The following LYPD1 variants were observed in gnomAD, a reference collection of about 807,000 sequenced individuals.
The protein encoded by LYPD1 is ly6/PLAUR domain-containing protein 1.
In LYPD1, 14 loss-of-function variants were observed where a neutral mutation model predicts 14.2. The observed-to-expected ratio is 0.99, with a 90% CI of 0.65 to 1.54. LYPD1 has a LOEUF of 1.54. LYPD1 is among the 40% of genes most tolerant of loss of function. The pLI is 0.00. For missense variants in LYPD1, 165 were observed against 175.7 expected (o/e 0.94, Z 0.34); for synonymous variants, 85 against 70.6 (o/e 1.20, Z -1.02).
chr2:132,660,217 A>G (rs1204836541), intron 2 of LYPD1, among the ~76,000 whole-genome samples: 1 of 152,260 alleles, frequency 6.6e-6, no homozygotes, highest in Non-Finnish European at 1.5e-5. Flanking sequence ...TTAAAATAAT[A>G]CAACTTTATC....
rs1348451671 is a variant in LYPD1, at chr2:132,669,295, A to G, written c.52+586T>C. On this transcript the variant is annotated intron_variant, in intron 1 of 2. Transcript: ENST00000397463. This position sits in a 1 kb window ranked among gnomAD's most constrained non-coding sequence, Gnocchi z 4.3. Reference sequence around the variant, plus strand: ...AGTGGTCGGGGTTCCAGCTCTGCAGAGCTTAGTCGGGAGCCAGTAGGCGAA... The same window carrying G: ...AGTGGTCGGGGTTCCAGCTCTGCAGGGCTTAGTCGGGAGCCAGTAGGCGAA... Among the ~76,000 whole-genome samples, 2 of 151,392 alleles carry G rather than the reference A, an allele frequency of 1.3e-5. No homozygotes were observed. The highest frequency in any genetic ancestry group is 4.9e-5 in the African/African-American group (2 of 41,138).
At chr2:132,668,320 T>C in intron 2 of LYPD1, 80 bp downstream of exon 2, 1 of 1,486,614 alleles carries the variant, frequency 6.7e-7, no homozygotes, top group Non-Finnish European at 9.0e-7. Flanking sequence ...TCAGTCCTTT[T>C]TCCTGCTATT....
intron 2 of LYPD1, chr2:132,662,937 C>G (rs1331268578): frequency 6.6e-6 from 1 of 152,196 alleles, no homozygotes; most frequent in Non-Finnish European, 1.5e-5. Flanking sequence ...GGAAAGTTAA[C>G]ATAAACAAAT....
chr2:132,654,321 A>C (rs941568565), intron 2 of LYPD1, among the ~76,000 whole-genome samples: 2 of 151,590 alleles, frequency 1.3e-5, no homozygotes, highest in African/African-American at 4.9e-5. Flanking sequence ...TGATCATTTG[A>C]GCCTGGGAGG....
At chr2:132,655,513 C>CTTTTTTTTTTT (rs1558879316) in intron 2 of LYPD1, among the ~76,000 whole-genome samples, 6 of 61,004 alleles carry the variant, frequency 9.8e-5, no homozygotes, top group African/African-American at 5.8e-4. Context: ...GGTTGAGAAG[C>CTTTTTTTTTTT]ATTTTTTTTT....
rs1442195805 is a variant in LYPD1 at position 132,670,049 on chromosome 2, C to A, written c.-117G>T. On this transcript the variant is annotated 5_prime_UTR_variant, in exon 1 of 3. Transcript: ENST00000397463. This position sits in a 1 kb window ranked among gnomAD's most constrained non-coding sequence, Gnocchi z 4.5. ...GAGGCTGCTGGGGCCCGCGCTGCTG[C>A]CGCGGAGACGACGGTCGTAGCTTAG... is the stretch of plus-strand genomic sequence containing the variant. 22 of 1,538,160 alleles carry A rather than the reference C, an allele frequency of 1.4e-5. No homozygotes were observed. Among genetic ancestry groups the A allele is most frequent in the Non-Finnish European group, 1.8e-5 (21 of 1,151,826 alleles).
chr2:132,661,093 C>T (rs995712593), intron 2 of LYPD1, among the ~76,000 whole-genome samples: 3 of 152,176 alleles, frequency 2.0e-5, no homozygotes, highest in Non-Finnish European at 4.4e-5. Flanking sequence ...AGGGTCTCTT[C>T]TAGCCTTAGA....
chr2:132,645,546 C>G lies in LYPD1; in HGVS notation c.*499G>C. 6.2e-7 allele frequency: 1 copy of G among 1,614,154 alleles called. No individual in the cohort carries two copies. The highest frequency in any genetic ancestry group is 8.5e-7 in the Non-Finnish European group (1 of 1,180,010). ...TGAGTCTCGAGTCACTAGAGCCCAA[C>G]TCAGGCGCGAAACCAGCCAATTCTG... is the stretch of plus-strand genomic sequence containing the variant. On this transcript the variant is annotated 3_prime_UTR_variant, in exon 3 of 3. Transcript: ENST00000397463.
At position 132,646,097 on chromosome 2, in the gene LYPD1, AGCCCTGGCCTGAGG is replaced by A. The variant is rs1682059044; in HGVS notation, c.360_373del (p.Leu121ProfsTer42). ...TTTGAGGAACAGGATGGTGGTGCGG[AGCCCTGGCCTGAGG>A]GCCGAGGCAGAACTTCCCCTTTTCT... On this transcript the variant is annotated frameshift_variant, in exon 3 of 3. Coordinates refer to ENST00000397463, the MANE Select transcript of LYPD1 (RefSeq NM_144586.7). LOFTEE classifies it high-confidence loss of function. 1 of 1,605,506 alleles carries A rather than the reference AGCCCTGGCCTGAGG, an allele frequency of 6.2e-7. No individual in the cohort carries two copies. Among genetic ancestry groups the A allele is most frequent in the Admixed American group, 1.7e-5 (1 of 59,146 alleles).
intron 2 of LYPD1, among the ~76,000 whole-genome samples, chr2:132,656,483 A>G (rs1381084553): frequency 6.6e-6 from 1 of 152,210 alleles, no homozygotes; most frequent in African/African-American, 2.4e-5. Flanking sequence ...CACTGAGCTC[A>G]AAGAAACTGC....
Position 132,645,093 on chromosome 2 carries a change from C to G in LYPD1, c.*952G>C. 1 of 1,602,842 alleles carries G rather than the reference C, an allele frequency of 6.2e-7. No individual in the cohort carries two copies. Among genetic ancestry groups the G allele is most frequent in the Non-Finnish European group, 8.5e-7 (1 of 1,173,026 alleles). On this transcript the variant is annotated 3_prime_UTR_variant, in exon 3 of 3. Coordinates refer to ENST00000397463, the MANE Select transcript of LYPD1 (RefSeq NM_144586.7). The stretch of plus-strand genomic sequence containing the variant: ...CTCTGTCTCTCCCTCCTGCTCGTGT[C>G]TGCCCAGGGCTGATTGTTGTGACAT...
intron 2 of LYPD1, among the ~76,000 whole-genome samples, chr2:132,657,862 C>T (rs1449671694): frequency 6.6e-6 from 1 of 151,982 alleles, no homozygotes; most frequent in East Asian, 1.9e-4. Flanking sequence ...TGTCCTTTTT[C>T]CAGGGGTCCC....
At chr2:132,654,422 A>G (rs891157440) in intron 2 of LYPD1, among the ~76,000 whole-genome samples, 1 of 147,960 alleles carries the variant, frequency 6.8e-6, no homozygotes, top group African/African-American at 2.5e-5. Context: ...AAAAATTGGT[A>G]CGAATGTGGG....
At chr2:132,658,861 G>A (rs539870323) in intron 2 of LYPD1, among the ~76,000 whole-genome samples, 15 of 152,314 alleles carry the variant, frequency 9.8e-5, no homozygotes, top group African/African-American at 2.9e-4. Flanking sequence ...GACCAAGGCT[G>A]AATTCCAAGG....
intron 2 of LYPD1, among the ~76,000 whole-genome samples, chr2:132,647,659 A>ATTTTTTTTGGATAGATGATAGTG (rs1682176502): frequency 6.6e-6 from 1 of 151,870 alleles, no homozygotes; most frequent in South Asian, 2.1e-4. Flanking sequence ...TCAATGAATT[A>ATTTTTTTTGGATAGATGATAGTG]TTTTTTTTGG....
chr2:132,657,348 T>A (rs1682658139), intron 2 of LYPD1, among the ~76,000 whole-genome samples: 1 of 152,224 alleles, frequency 6.6e-6, no homozygotes, highest in African/African-American at 2.4e-5. Flanking sequence ...GAACAGATAT[T>A]TATGACTTAT....
intron 2 of LYPD1, among the ~76,000 whole-genome samples, chr2:132,652,534 G>C (rs186639495): frequency 2.8e-4 from 43 of 152,288 alleles, no homozygotes; most frequent in African/African-American, 9.9e-4. Context: ...GAGCTAGAAG[G>C]CTCAACTGGT....
Position 132,645,642 on chromosome 2 carries a change from C to T in LYPD1, c.*403G>A. 1 of 1,579,526 alleles carries T rather than the reference C, an allele frequency of 6.3e-7. No homozygotes were observed. The highest frequency in any genetic ancestry group is 1.2e-5 in the South Asian group (1 of 84,838). On this transcript the variant is annotated 3_prime_UTR_variant, in exon 3 of 3. Coordinates refer to ENST00000397463, the MANE Select transcript of LYPD1 (RefSeq NM_144586.7). ...AGGGAGCCTTGAGTGGGAACTGGCCCTCCAGCCCTAAGAAAACGTCACTCT... is the reference window on the plus strand; with the variant it reads ...AGGGAGCCTTGAGTGGGAACTGGCCTTCCAGCCCTAAGAAAACGTCACTCT...
chr2:132,649,411 C>T (rs978320483), intron 2 of LYPD1, among the ~76,000 whole-genome samples: 2 of 152,096 alleles, frequency 1.3e-5, no homozygotes, highest in African/African-American at 4.8e-5. Context: ...GCCACCTCTC[C>T]CATGGCTTCA....
Sources: gnomAD v4.1 joint callset for allele counts (sites outside exome capture counted in the v4.1 genomes callset) on GRCh38, gnomAD v4.1.1 for gene constraint, Gnocchi (gnomAD v3.1) non-coding constraint, MANE v1.5 for transcripts, NCBI Gene and HGNC (gene_info 2026-07-23, HGNC 2026-07-21) for gene names.